THY1: variants seen among roughly 807,000 people sequenced by gnomAD.
The protein encoded by THY1 is thy-1 membrane glycoprotein.
Under a neutral mutation model 14.9 loss-of-function variants are expected in THY1, and 10 were observed. The observed-to-expected ratio is 0.67, with a 90% CI of 0.41 to 1.14. The LOEUF (loss-of-function observed/expected upper bound fraction) is 1.14, where lower values mean the gene tolerates loss of function less well. THY1 is among the 50% of genes most tolerant of loss of function. THY1 has a pLI of 0.00. For synonymous variants in THY1, 80 were observed against 90.0 expected (o/e 0.89, Z 0.63); for missense variants, 159 against 202.1 (o/e 0.79, Z 1.29).
At chr11:119,419,915 G>T in intron 3 of THY1, 136 bp downstream of exon 3, 1 of 982,344 alleles carries the variant, frequency 1.0e-6, no homozygotes, top group African/African-American at 1.6e-5. Context: ...TGGTTCCCCA[G>T]TTGACCAGGC....
chr11:119,420,685 CTG>C (rs1294006897), intron 2 of THY1, 182 bp downstream of exon 2: 11 of 775,308 alleles, frequency 1.4e-5, no homozygotes, highest in African/African-American at 5.2e-5. Flanking sequence ...GCTCAGCAAA[CTG>C]TGTTTTCAAA....
intron 2 of THY1, 90 bp downstream of exon 2, chr11:119,420,779 G>A (rs1861884457): frequency 6.7e-6 from 10 of 1,496,174 alleles, no homozygotes; most frequent in South Asian, 1.1e-5. Flanking sequence ...TGTCACCTGC[G>A]CTTTTCTGAG....
rs754497562 is a variant in THY1, at chr11:119,420,162, C to T, written c.262G>A (p.Val88Ile). The T allele has an allele frequency of 6.2e-6, 10 of 1,614,092 alleles. No homozygotes were observed. The highest frequency in any genetic ancestry group is 1.7e-5 in the Admixed American group (1 of 59,996). The change falls in exon 3 of 4, where the codon GTC becomes ATC. Residue 88 changes from valine to isoleucine, a missense_variant. By Grantham distance (29) the Val-to-Ile change is conservative (BLOSUM62 3). Coordinates refer to ENST00000284240, the MANE Select transcript of THY1 (RefSeq NM_006288.5). Reference protein sequence around the residue: ...TNFTSKYNMKVLYLSAFTSKD... With the variant: ...TNFTSKYNMKILYLSAFTSKD... Reference sequence around the variant, plus strand: ...CTAGTGAAGGCGGATAAGTAGAGGACCTTCATGTTGTATTTGCTGGTGAAG... The same window carrying T: ...CTAGTGAAGGCGGATAAGTAGAGGATCTTCATGTTGTATTTGCTGGTGAAG...
rs771099692 is a variant in THY1, at chr11:119,420,240, C to T, written c.184G>A (p.Val62Met). The T allele has an allele frequency of 1.1e-5, 18 of 1,614,130 alleles. No individual in the cohort carries two copies. The highest frequency in any genetic ancestry group is 6.7e-5 in the East Asian group (3 of 44,902). The change falls in exon 3 of 4, where the codon GTG becomes ATG. Residue 62 changes from valine to methionine, a missense_variant. Val to Met is a conservative substitution (Grantham distance 21). Transcript: ENST00000284240. ...FSLTRETKKH[V>M]LFGTVGVPEH... ...GGCACCCCCACAGTGCCAAAGAGCACGTGCTTCTTTGTCTCACGGGTCAGG... is the reference window on the plus strand; with the variant it reads ...GGCACCCCCACAGTGCCAAAGAGCATGTGCTTCTTTGTCTCACGGGTCAGG...
At chr11:119,420,759 G>T in intron 2 of THY1, 110 bp downstream of exon 2, 1 of 1,329,108 alleles carries the variant, frequency 7.5e-7, no homozygotes, top group Non-Finnish European at 1.1e-6. Flanking sequence ...ATGAAAAAGA[G>T]CCCTCTCTTT....
chr11:119,416,448 C>T lies in THY1; in HGVS notation c.*2960G>A, dbSNP rs913802608. Among the ~76,000 whole-genome samples the T allele has an allele frequency of 6.6e-6, 1 of 152,188 alleles. No homozygotes were observed. Among genetic ancestry groups the T allele is most frequent in the African/African-American group, 2.4e-5 (1 of 41,456 alleles). ...TGAAAGTCTGCGGGCTCCCAGTCCTCAGCATGGTCATTCCGGGTAGGTTTA... is the reference window on the plus strand; with the variant it reads ...TGAAAGTCTGCGGGCTCCCAGTCCTTAGCATGGTCATTCCGGGTAGGTTTA... On this transcript the variant is annotated 3_prime_UTR_variant, in exon 4 of 4. Transcript: ENST00000284240.
chr11:119,418,977 AGCC>A lies in THY1; in HGVS notation c.*428_*430del. The A allele has an allele frequency of 3.2e-6, 1 of 311,454 alleles. No individual in the cohort carries two copies. The highest frequency in any genetic ancestry group is 6.3e-6 in the Non-Finnish European group (1 of 158,638). The allele number at this position is 311,454 out of a possible 1,614,324, so 19.3% of individuals were successfully genotyped here. On this transcript the variant is annotated 3_prime_UTR_variant, in exon 4 of 4. Transcript: ENST00000284240. ...CCATGTCCGTGCTAGGCCCAGGCAC[AGCC>A]CAACCACTCCTCATCCAAGTCTCTC...
In THY1 at chr11:119,419,321, T is replaced by C. The variant is rs1475084269; in HGVS notation, c.*87A>G. ...CCACTTCTCCTCAAGGTTTGAGGGA[T>C]TGGGGGGAGGGGGTCAGCTGACTCA... On this transcript the variant is annotated 3_prime_UTR_variant, in exon 4 of 4. Coordinates refer to ENST00000284240, the MANE Select transcript of THY1 (RefSeq NM_006288.5). The C allele has an allele frequency of 2.5e-6, 3 of 1,185,794 alleles. No individual in the cohort carries two copies. Among genetic ancestry groups the C allele is most frequent in the African/African-American group, 1.5e-5 (1 of 65,708 alleles). The allele number at this position is 1,185,794 out of a possible 1,614,324, so 73.5% of individuals were successfully genotyped here. A position where few individuals can be genotyped will look rare whatever the true frequency, so the allele number is the denominator to read the frequency against.
chr11:119,419,030 AG>A lies in THY1; in HGVS notation c.*377del. On this transcript the variant is annotated 3_prime_UTR_variant, in exon 4 of 4. Transcript: ENST00000284240. ...CCCAGGTTTCTGGTCCCGATGGGCA[AG>A]GATGACCCCTCCAGTGGCTGGTACC... The A allele has an allele frequency of 1.2e-5, 4 of 335,612 alleles. No homozygotes were observed. Among genetic ancestry groups the A allele is most frequent in the South Asian group, 9.9e-5 (4 of 40,440 alleles). 20.8% of individuals were successfully genotyped at this position (335,612 alleles called of 1,614,324 possible). A position where few individuals can be genotyped will look rare whatever the true frequency, so the allele number is the denominator to read the frequency against.
rs745626646 is a variant in THY1, at chr11:119,423,081, G to A, written c.-25+32C>T. 67 of 456,018 alleles carry A rather than the reference G, an allele frequency of 1.5e-4. 2 individuals are homozygous for A. The highest frequency in any genetic ancestry group is 1.0e-3 in the South Asian group (65 of 64,562). 28.2% of individuals were successfully genotyped at this position (456,018 alleles called of 1,614,324 possible). A position where few individuals can be genotyped will look rare whatever the true frequency, so the allele number is the denominator to read the frequency against. ...GCATGGGCGCCTGACGGCGGTCCCC[G>A]AGCCCCAGGTCCCACCGGCTCCAGT... On this transcript the variant is annotated intron_variant, in intron 1 of 3. Transcript: ENST00000284240.
At chr11:119,424,473 G>A (rs1861980446), upstream of THY1, among the ~76,000 whole-genome samples, 1 of 152,206 alleles carries the variant, frequency 6.6e-6, no homozygotes, top group Non-Finnish European at 1.5e-5. Context: ...TGATACTGCA[G>A]TGGCACTGTT....
At chr11:119,424,233 A>G (rs944560654), upstream of THY1, 3 of 152,226 alleles carry the variant, frequency 2.0e-5, no homozygotes, top group Admixed American at 1.3e-4. Context: ...TAACCCACCG[A>G]TTGGATGTCA....
In THY1 at chr11:119,417,531, C is replaced by T. The variant is rs1373716040; in HGVS notation, c.*1877G>A. The T allele has an allele frequency of 6.6e-6, 1 of 152,226 alleles. No homozygotes were observed. The highest frequency in any genetic ancestry group is 1.9e-4 in the East Asian group (1 of 5,194). The allele number at this position is 152,226 out of a possible 1,614,324, so 9.4% of individuals were successfully genotyped here. On this transcript the variant is annotated 3_prime_UTR_variant, in exon 4 of 4. Transcript: ENST00000284240. ...GGCTGGCTTGGGGCTGCCTCTCTGA[C>T]TCTGACAGCAGTTGGAACCCACAGC...
rs1189408620 is a variant in THY1 at position 119,416,500 on chromosome 11, A to C, written c.*2908T>G. Among the ~76,000 whole-genome samples the C allele has an allele frequency of 1.3e-5, 2 of 151,978 alleles. No individual in the cohort carries two copies. The highest frequency in any genetic ancestry group is 2.9e-5 in the Non-Finnish European group (2 of 67,984). On this transcript the variant is annotated 3_prime_UTR_variant, in exon 4 of 4. Coordinates refer to ENST00000284240, the MANE Select transcript of THY1 (RefSeq NM_006288.5). ...TTTATTTTTTATTTTTTTGAGATGG[A>C]GTCTCACTCTATCTCCCAGGCTGGA...
At chr11:119,421,203 C>T (rs1861893100) in intron 1 of THY1, 2 of 358,794 alleles carry the variant, frequency 5.6e-6, no homozygotes, top group African/African-American at 4.1e-5. Context: ...AGTAACTTTA[C>T]CACTCTTTCT....
Position 119,420,471 on chromosome 11 carries a change from G to C in THY1, c.38-85C>G, listed in dbSNP as rs1565326584. ...CACCTGAAGTGGAGAGATGGGCCTG[G>C]CTAGGGAGGGGACCGGGGTCTGCTC... On this transcript the variant is annotated intron_variant, in intron 2 of 3. Coordinates refer to ENST00000284240, the MANE Select transcript of THY1 (RefSeq NM_006288.5). The C allele has an allele frequency of 2.3e-6, 3 of 1,318,324 alleles. No homozygotes were observed. In the East Asian group the frequency reaches 7.4e-5, roughly 33 times the overall value. 81.7% of individuals were successfully genotyped at this position (1,318,324 alleles called of 1,614,324 possible). A position where few individuals can be genotyped will look rare whatever the true frequency, so the allele number is the denominator to read the frequency against.
Position 119,416,319 on chromosome 11 carries a change from G to T in THY1, c.*3089C>A, listed in dbSNP as rs1328205269. Among the ~76,000 whole-genome samples, 1 of 152,100 alleles carries T rather than the reference G, an allele frequency of 6.6e-6. No individual in the cohort carries two copies. Among genetic ancestry groups the T allele is most frequent in the African/African-American group, 2.4e-5 (1 of 41,406 alleles). Reference sequence around the variant, plus strand: ...CATGTGTACAGGAACCAGGGCTGGGGGCCAGCCCTCTATAATTACCTGAGT... The same window carrying T: ...CATGTGTACAGGAACCAGGGCTGGGTGCCAGCCCTCTATAATTACCTGAGT... On this transcript the variant is annotated 3_prime_UTR_variant, in exon 4 of 4. Transcript: ENST00000284240.
chr11:119,419,975 C>A, intron 3 of THY1, 76 bp downstream of exon 3: 1 of 1,464,208 alleles, frequency 6.8e-7, no homozygotes, highest in East Asian at 2.4e-5. Flanking sequence ...CCTCTCTAGT[C>A]CAGCCAAGGG....
Position 119,422,632 on chromosome 11 carries a change from G to A in THY1, c.-25+481C>T. The A allele has an allele frequency of 5.0e-6, 1 of 201,470 alleles. No homozygotes were observed. The highest frequency in any genetic ancestry group is 1.0e-5 in the Non-Finnish European group (1 of 98,698). The allele number at this position is 201,470 out of a possible 1,614,324, so 12.5% of individuals were successfully genotyped here. On this transcript the variant is annotated intron_variant, in intron 1 of 3. Transcript: ENST00000284240. The surrounding 1 kb of genome is among the most constrained non-coding windows in gnomAD (Gnocchi z 7.0). Reference sequence around the variant, plus strand: ...CCCCCGTCCGCCCGCCTTCCACCCAGTCCCCGCCTGCGGCACTGCGGCTTC... The same window carrying A: ...CCCCCGTCCGCCCGCCTTCCACCCAATCCCCGCCTGCGGCACTGCGGCTTC...
Sources: allele counts gnomAD v4.1 joint callset (sites outside exome capture counted in the v4.1 genomes callset), GRCh38; gene constraint gnomAD v4.1.1; non-coding constraint Gnocchi (gnomAD v3.1); transcripts MANE v1.5; gene names NCBI Gene and HGNC (gene_info 2026-07-23, HGNC 2026-07-21).